Variants in PALLD observed in about 807,000 individuals in gnomAD.
The protein encoded by PALLD is palladin, cytoskeletal associated protein, also known as palladin.
Under a neutral mutation model 123.5 loss-of-function variants are expected in PALLD, and 61 were observed. That is an observed-to-expected ratio of 0.49 (90% CI 0.40 to 0.61). PALLD has a LOEUF of 0.61. PALLD is among the 20% of genes least tolerant of loss of function. The pLI is 0.00. For synonymous variants in PALLD, 465 were observed against 496.4 expected, an observed-to-expected ratio of 0.94 and a Z score of 0.84; for missense variants, 1,273 against 1,377.0, an observed-to-expected ratio of 0.92 and a Z score of 1.20.
chr4:168,791,725 C>G (rs572153711), intron 10 of PALLD, among the ~76,000 whole-genome samples: 1 of 152,136 alleles, frequency 6.6e-6, no homozygotes, highest in Admixed American at 6.5e-5. Flanking sequence ...TGTTGATTAT[C>G]TGATTGAAAT....
intron 2 of PALLD, among the ~76,000 whole-genome samples, chr4:168,608,952 AG>A (rs1334416803): frequency 2.0e-5 from 3 of 150,482 alleles, no homozygotes; most frequent in Non-Finnish European, 4.4e-5. Flanking sequence ...AGTTTCTTCC[AG>A]TTCATGTTTC....
Position 168,655,787 on chromosome 4 carries a change from T to C in PALLD, c.909-12403T>C, listed in dbSNP as rs569017145. On this transcript the variant is annotated intron_variant, in intron 2 of 21. Coordinates refer to ENST00000505667, the MANE Select transcript of PALLD (RefSeq NM_001166108.2). ...GAACTCGGGGAAATTTTGAGGGACA[T>C]CTCCTGTCCTTTGACTTTGGGGAAA... 1.4e-4 allele frequency among the ~76,000 whole-genome samples: 21 copies of C among 152,298 alleles called. No homozygotes were observed. In the South Asian group the frequency reaches 3.5e-3, roughly 26 times the overall value.
intron 10 of PALLD, among the ~76,000 whole-genome samples, chr4:168,774,035 G>T (rs1043442420): frequency 4.7e-5 from 7 of 149,444 alleles, no homozygotes; most frequent in African/African-American, 1.7e-4. Context: ...CACATTTTAT[G>T]TGTCCCCTCC....
chr4:168,587,377 C>T (rs1277347897), intron 2 of PALLD, among the ~76,000 whole-genome samples: 2 of 152,072 alleles, frequency 1.3e-5, no homozygotes, highest in African/African-American at 4.8e-5. Context: ...TAGAACACAC[C>T]AATATACTTT....
rs144129647 is a variant in PALLD, at chr4:168,893,739, C to A, written c.2101-840C>A. ...AGCAGGTATCACCCCAACAGTCACA[C>A]AAAAATGCCGGCATTTCTTATGTAT... On this transcript the variant is annotated intron_variant, in intron 11 of 21. Transcript: ENST00000505667. Among the ~76,000 whole-genome samples the A allele has an allele frequency of 4.9e-4, 75 of 152,248 alleles. 1 individual carries two copies. In the East Asian group the frequency reaches 0.013, roughly 26 times the overall value.
chr4:168,777,103 TAC>T (rs112829388), intron 10 of PALLD, among the ~76,000 whole-genome samples: 9 of 150,214 alleles, frequency 6.0e-5, no homozygotes, highest in Non-Finnish European at 7.4e-5. Flanking sequence ...CACACACATA[TAC>T]ACACACACAC....
chr4:168,737,069 A>G (rs764884213), intron 10 of PALLD, among the ~76,000 whole-genome samples: 1 of 152,222 alleles, frequency 6.6e-6, no homozygotes, highest in Non-Finnish European at 1.5e-5. Context: ...GCTGACCACA[A>G]TTGCTATAAT....
intron 10 of PALLD, among the ~76,000 whole-genome samples, chr4:168,785,846 G>GATATAT (rs6148775): frequency 0.025 from 2,009 of 80,676 alleles, 111 homozygotes; most frequent in African/African-American, 0.043. Context: ...AAACTGTAGA[G>GATATAT]ATATATATAT....
intron 2 of PALLD, among the ~76,000 whole-genome samples, chr4:168,579,710 A>C (rs1333323612): frequency 6.6e-6 from 1 of 152,122 alleles, no homozygotes; most frequent in Non-Finnish European, 1.5e-5. Flanking sequence ...TTTTAAAATA[A>C]GTTCTTATCT....
chr4:168,877,689 T>C, intron 10 of PALLD: 1 of 1,072,242 alleles, frequency 9.3e-7, no homozygotes, highest in Non-Finnish European at 1.1e-6. Context: ...GGCCGTTCCA[T>C]CTCTGAAGGT....
chr4:168,719,196 G>T (rs1416089535), intron 10 of PALLD, among the ~76,000 whole-genome samples: 1 of 147,670 alleles, frequency 6.8e-6, no homozygotes, highest in Admixed American at 6.8e-5. Flanking sequence ...GTGAGCCACT[G>T]CTCCCAGCCA....
chr4:168,897,856 G>T (rs1175314437), intron 13 of PALLD: 1 of 151,178 alleles, frequency 6.6e-6, no homozygotes, highest in Admixed American at 6.6e-5. Flanking sequence ...TGGCTAGACT[G>T]TCAGTCCTAT....
At chr4:168,729,234 CT>C (rs771632934) in intron 10 of PALLD, among the ~76,000 whole-genome samples, 43 of 152,200 alleles carry the variant, frequency 2.8e-4, no homozygotes, top group Non-Finnish European at 5.4e-4. Flanking sequence ...TGTGCTTTTG[CT>C]TTGGATCTCA....
At chr4:168,715,747 G>A (rs1233346178) in intron 10 of PALLD, among the ~76,000 whole-genome samples, 1 of 152,092 alleles carries the variant, frequency 6.6e-6, no homozygotes, top group Admixed American at 6.6e-5. Context: ...TCAGGAGATC[G>A]AGACCATCCT....
intron 2 of PALLD, among the ~76,000 whole-genome samples, chr4:168,622,169 C>T (rs1774827421): frequency 6.6e-6 from 1 of 152,142 alleles, no homozygotes; most frequent in Non-Finnish European, 1.5e-5. Flanking sequence ...TACACACAGC[C>T]CCTCACATGC....
intron 10 of PALLD, among the ~76,000 whole-genome samples, chr4:168,719,096 C>T (rs1181054488): frequency 9.3e-5 from 14 of 151,080 alleles, no homozygotes; most frequent in East Asian, 7.8e-4. Flanking sequence ...TTAGTAGAGA[C>T]GGGGTTTCAC....
chr4:168,901,326 C>T lies in PALLD; in HGVS notation c.2473-2431C>T, dbSNP rs145088656. ...TTGTTCTAGTTGAGCCATAGGAAGA[C>T]TGAAAATAATTTCTGATTTACCCTG... On this transcript the variant is annotated intron_variant, in intron 14 of 21. Transcript: ENST00000505667. Among the ~76,000 whole-genome samples the T allele has an allele frequency of 2.9e-3, 445 of 152,264 alleles. 3 individuals are homozygous for T. Among genetic ancestry groups the T allele is most frequent in the African/African-American group, 1.0e-2 (415 of 41,552 alleles).
intron 3 of PALLD, among the ~76,000 whole-genome samples, chr4:168,674,428 T>C (rs1780630243): frequency 6.6e-6 from 1 of 152,150 alleles, no homozygotes; most frequent in Non-Finnish European, 1.5e-5. Flanking sequence ...GGAAGGGATC[T>C]GAATCTGAGC....
rs778616885 is a variant in PALLD at position 168,921,563 on chromosome 4, C to G, written c.2880C>G (p.Ser960Arg). Residue 960 changes from serine to arginine, a missense_variant, in exon 18 of 22, where the codon AGC becomes AGG. Physicochemically the swap from Ser to Arg is moderately radical, Grantham distance 110 (BLOSUM62 -1). Coordinates refer to ENST00000505667, the MANE Select transcript of PALLD (RefSeq NM_001166108.2). Reference sequence around the variant, plus strand: ...GTGGGTTACCAACCCCAGATCTAAGCTGGCAACTAGATGGAAAGCCCGTAC... The same window carrying G: ...GTGGGTTACCAACCCCAGATCTAAGGTGGCAACTAGATGGAAAGCCCGTAC... ...KVSGLPTPDL[S>R]WQLDGKPVRP... The G allele has an allele frequency of 6.2e-7, 1 of 1,608,356 alleles. No homozygotes were observed. Among genetic ancestry groups the G allele is most frequent in the Non-Finnish European group, 8.5e-7 (1 of 1,178,530 alleles).
Sources: gnomAD v4.1 joint callset for allele counts (sites outside exome capture counted in the v4.1 genomes callset) on GRCh38, gnomAD v4.1.1 for gene constraint, MANE v1.5 for transcripts, NCBI Gene and HGNC (gene_info 2026-07-23, HGNC 2026-07-21) for gene names.